The following LTF variants were observed in gnomAD, a reference collection of about 807,000 sequenced individuals.
LTF encodes the protein epididymis luminal protein 110.
Under a neutral mutation model 87.2 loss-of-function variants are expected in LTF, and 91 were observed. The ratio of observed to expected loss-of-function variants is 1.04; its 90% CI spans 0.88 to 1.24. The LOEUF (loss-of-function observed/expected upper bound fraction) is 1.24, where lower values mean the gene tolerates loss of function less well. LTF is among the 50% of genes most tolerant of loss of function. LTF has a pLI of 0.00. For synonymous variants in LTF, 378 were observed against 356.1 expected, an observed-to-expected ratio of 1.06 and a Z score of -0.69; for missense variants, 901 against 904.3, an observed-to-expected ratio of 1.00 and a Z score of 0.05.
At chr3:46,464,046 C>G (rs922412116) in intron 1 of LTF, among the ~76,000 whole-genome samples, 1 of 152,194 alleles carries the variant, frequency 6.6e-6, no homozygotes, top group African/African-American at 2.4e-5. Flanking sequence ...CTGCCTAGGT[C>G]CTGATGCCCA....
At chr3:46,454,562 C>T (rs1209622120) in intron 5 of LTF, among the ~76,000 whole-genome samples, 2 of 152,208 alleles carry the variant, frequency 1.3e-5, no homozygotes, top group Non-Finnish European at 2.9e-5. Context: ...TAGCCAGAGG[C>T]CCCCATCTTC....
chr3:46,451,842 G>A (rs543757888), intron 6 of LTF, among the ~76,000 whole-genome samples: 8 of 152,130 alleles, frequency 5.3e-5, no homozygotes, highest in African/African-American at 1.2e-4. Context: ...TGATCCACCC[G>A]CCTCAGTCTC....
intron 1 of LTF, among the ~76,000 whole-genome samples, chr3:46,470,771 C>A (rs1703272207): frequency 6.6e-6 from 1 of 152,170 alleles, no homozygotes. Context: ...CCAGTTCCAC[C>A]CTAAACAGCT....
At chr3:46,482,559 GGAAGGGAAGGGA>G (rs1703449985) in intron 1 of LTF, among the ~76,000 whole-genome samples, 1 of 101,600 alleles carries the variant, frequency 9.8e-6, no homozygotes, top group Non-Finnish European at 1.9e-5. Flanking sequence ...GGAAGGGAAG[GGAAGGGAAGGGA>G]AAGGAAAGGA....
intron 7 of LTF, 151 bp from the exon 8 acceptor site, chr3:46,450,179 T>A: frequency 1.4e-6 from 1 of 694,654 alleles, no homozygotes; most frequent in Non-Finnish European, 2.4e-6. Context: ...ACTTGTGCCA[T>A]CTCGGAGACC....
At chr3:46,468,176 T>C, upstream of LTF, 1 of 456,662 alleles carries the variant, frequency 2.2e-6, no homozygotes, top group Non-Finnish European at 4.4e-6. Context: ...ATGTGTTGGG[T>C]CTGAAGGATA....
At position 46,464,745 on chromosome 3, in the gene LTF, C is replaced by T. The variant is rs1703171503; in HGVS notation, c.43+80G>A. 4 of 1,533,952 alleles carry T rather than the reference C, an allele frequency of 2.6e-6. No homozygotes were observed. The South Asian group carries it at 3.4e-5, about 13-fold the overall frequency. ...GAGACCCCGCGCCCAGCCAACCGGA[C>T]ACAGGGACCAAAGCGCCTAGCAGAC... On this transcript the variant is annotated intron_variant, in intron 1 of 16. Coordinates refer to ENST00000231751, the MANE Select transcript of LTF (RefSeq NM_002343.6).
At chr3:46,452,850 G>A (rs1702836875) in intron 6 of LTF, among the ~76,000 whole-genome samples, 1 of 152,190 alleles carries the variant, frequency 6.6e-6, no homozygotes, top group Non-Finnish European at 1.5e-5. Context: ...GACTTTCTAG[G>A]TAGAGCACAT....
upstream of LTF, among the ~76,000 whole-genome samples, chr3:46,465,599 CTTTT>C (rs5848800): frequency 6.7e-4 from 100 of 149,404 alleles, no homozygotes; most frequent in Middle Eastern, 0.014. Flanking sequence ...TGCCCTACCA[CTTTT>C]TTTTTTTTTT....
intron 12 of LTF, among the ~76,000 whole-genome samples, chr3:46,444,147 C>A (rs1286201244): frequency 6.6e-6 from 1 of 152,192 alleles, no homozygotes; most frequent in East Asian, 1.9e-4. Context: ...TCTCTTTCTT[C>A]ATCCTGCACA....
chr3:46,447,365 C>A lies in LTF; in HGVS notation c.1246G>T (p.Gly416Ter). The A allele has an allele frequency of 6.2e-7, 1 of 1,614,164 alleles. No homozygotes were observed. The highest frequency in any genetic ancestry group is 8.5e-7 in the Non-Finnish European group (1 of 1,179,994). The change falls in exon 10 of 17, where the codon GGA (glycine) becomes TGA (stop). Residue 416 changes from glycine to a stop codon, truncating the protein, a stop_gained. Coordinates refer to ENST00000231751, the MANE Select transcript of LTF (RefSeq NM_002343.6). LOFTEE classifies it high-confidence loss of function. ...GEADAMSLDG[G>*]YVYTAGKCGL... ...CATTTGCCTGCAGTGTACACATATC[C>A]TCCATCCAAACTCATGGCATCAGCT...
rs1178929303 is a variant in LTF at position 46,482,609 on chromosome 3, G to GA, written c.-320+2376dup. 8.8e-3 allele frequency among the ~76,000 whole-genome samples: 502 copies of GA among 56,916 alleles called. 52 individuals carry two copies. Among genetic ancestry groups the GA allele is most frequent in the Middle Eastern group, 0.019 (2 of 106 alleles). The allele number at this position is 56,916 out of a possible 152,430, so 37.3% of individuals were successfully genotyped here. ...GGAGAAAGAGAGAGAAAGAAAGAAA[G>GA]AAGAAAGAAAGAAAGAAAGAAAGAA... On this transcript the variant is annotated intron_variant, in intron 1 of 19. Coordinates refer to the LTF transcript ENST00000443496.
intron 13 of LTF, chr3:46,441,923 G>GAC: frequency 8.1e-6 from 1 of 124,098 alleles, no homozygotes; most frequent in African/African-American, 3.6e-5. Flanking sequence ...GAGAGAGAGA[G>GAC]AGAGAGAGAG....
intron 1 of LTF, among the ~76,000 whole-genome samples, chr3:46,483,013 G>A (rs544531660): frequency 1.1e-4 from 16 of 152,354 alleles, no homozygotes; most frequent in African/African-American, 3.6e-4. Flanking sequence ...TTTCTGTGGT[G>A]TAAAAACTCC....
At position 46,439,467 on chromosome 3, in the gene LTF, C is replaced by A. The variant is rs2073495; in HGVS notation, c.1737G>T (p.Glu579Asp). 2.7e-4 allele frequency: 429 copies of A among 1,609,048 alleles called. 5 individuals carry two copies. In the Middle Eastern group the frequency reaches 3.2e-3, roughly 12 times the overall value. ...CCAGCTTCAAATCCTTAGCCCATGCCTCATTGTTATTTCCTGGGGAGAAAA... is the reference window on the plus strand; with the variant it reads ...CCAGCTTCAAATCCTTAGCCCATGCATCATTGTTATTTCCTGGGGAGAAAA... ...VLQNTDGNNN[E>D]AWAKDLKLAD... Residue 579 changes from glutamate (E) to aspartate (D), a missense_variant, in exon 15 of 17, where the codon GAG becomes GAT. Glu to Asp is a conservative substitution (Grantham distance 45, BLOSUM62 2). Coordinates refer to ENST00000231751, the MANE Select transcript of LTF (RefSeq NM_002343.6).
chr3:46,439,649 A>G (rs1239485891), intron 14 of LTF, among the ~76,000 whole-genome samples, 169 bp from the exon 15 acceptor site: 1 of 152,232 alleles, frequency 6.6e-6, no homozygotes, highest in Non-Finnish European at 1.5e-5. Context: ...ACAAACTTCA[A>G]ATATACCAAA....
At position 46,455,272 on chromosome 3, in the gene LTF, G is replaced by A. The variant is rs761005864; in HGVS notation, c.647+23C>T. 16 of 1,613,766 alleles carry A rather than the reference G, an allele frequency of 9.9e-6. 1 individual carries two copies. The highest frequency in any genetic ancestry group is 8.9e-5 in the East Asian group (4 of 44,868). ...GGCCAAGGGACACTTGGCCACTGAC[G>A]AGAAGGGGACAGGGTCACTCACTTG... On this transcript the variant is annotated intron_variant, in intron 5 of 16. Coordinates refer to ENST00000231751, the MANE Select transcript of LTF (RefSeq NM_002343.6).
chr3:46,441,878 T>A, intron 13 of LTF: 1 of 163,980 alleles, frequency 6.1e-6, no homozygotes. Context: ...TCCAAGTAAA[T>A]GATGAAACTG....
At chr3:46,471,913 T>C (rs567968993) in intron 1 of LTF, among the ~76,000 whole-genome samples, 21 of 151,962 alleles carry the variant, frequency 1.4e-4, no homozygotes, top group Non-Finnish European at 1.9e-4. Context: ...TGGGGACAAT[T>C]CCCCCAAATT....
Sources: allele counts gnomAD v4.1 joint callset (sites outside exome capture counted in the v4.1 genomes callset), GRCh38; gene constraint gnomAD v4.1.1; transcripts MANE v1.5; gene names NCBI Gene and HGNC (gene_info 2026-07-23, HGNC 2026-07-21).